FHIP1A: variants seen among roughly 807,000 people sequenced by gnomAD.
FHIP1A encodes the protein FHF complex subunit HOOK-interacting protein 1A.
In FHIP1A, 61 loss-of-function variants were observed where a neutral mutation model predicts 88.6. The observed-to-expected ratio is 0.69, with a 90% confidence interval of 0.56 to 0.85. The LOEUF (loss-of-function observed/expected upper bound fraction) is 0.85. Ranked by LOEUF, FHIP1A falls within the 40% of genes least tolerant of loss-of-function variation. FHIP1A has a pLI of 0.00. For synonymous variants in FHIP1A, 478 were observed against 496.0 expected (o/e 0.96, Z 0.48); for missense variants, 1,154 against 1,273.5 (o/e 0.91, Z 1.43).
intron 3 of FHIP1A, among the ~76,000 whole-genome samples, chr4:151,541,261 T>C (rs1732273239): frequency 6.6e-6 from 1 of 152,238 alleles, no homozygotes; most frequent in African/African-American, 2.4e-5. Flanking sequence ...TTGTATTTGC[T>C]AATAACCCTG....
Position 151,665,038 on chromosome 4 carries a change from G to T in FHIP1A, c.*2284G>T, listed in dbSNP as rs1737611361. 6.6e-6 allele frequency among the ~76,000 whole-genome samples: 1 copy of T among 152,100 alleles called. No homozygotes were observed. The highest frequency in any genetic ancestry group is 2.1e-4 in the South Asian group (1 of 4,814). On this transcript the variant is annotated 3_prime_UTR_variant, in exon 14 of 14. Transcript: ENST00000435205. ...TGCCTGGGCTAGAGTGGAGTGGTGT[G>T]ATCACAGCTCATTGTAGCCTCAACC...
intron 7 of FHIP1A, among the ~76,000 whole-genome samples, chr4:151,608,299 C>T (rs1199840664): frequency 6.6e-6 from 1 of 152,092 alleles, no homozygotes; most frequent in Non-Finnish European, 1.5e-5. Flanking sequence ...CCCACCTCAG[C>T]CTCCCAAAGT....
intron 2 of FHIP1A, among the ~76,000 whole-genome samples, chr4:151,461,953 A>G (rs1354614317): frequency 2.6e-5 from 4 of 152,186 alleles, no homozygotes; most frequent in Non-Finnish European, 5.9e-5. Flanking sequence ...GTTTGAGGCC[A>G]GAAGTTCGAG....
intron 1 of FHIP1A, among the ~76,000 whole-genome samples, chr4:151,421,492 G>A (rs1207630549): frequency 1.3e-5 from 2 of 151,892 alleles, no homozygotes; most frequent in Non-Finnish European, 2.9e-5. Context: ...TTTTTCAGTG[G>A]TTCCCTGGTT....
chr4:151,480,096 C>T (rs1580614663), intron 2 of FHIP1A, among the ~76,000 whole-genome samples: 1 of 152,144 alleles, frequency 6.6e-6, no homozygotes, highest in African/African-American at 2.4e-5. Flanking sequence ...AGAGAATTAT[C>T]AAGAACCAGT....
At chr4:151,609,578 T>C (rs1735217240) in intron 7 of FHIP1A, among the ~76,000 whole-genome samples, 1 of 152,108 alleles carries the variant, frequency 6.6e-6, no homozygotes, top group African/African-American at 2.4e-5. Flanking sequence ...TTTGCTTCTT[T>C]TTTTTTAAAG....
At chr4:151,445,237 A>G (rs1728549340) in intron 1 of FHIP1A, among the ~76,000 whole-genome samples, 1 of 152,146 alleles carries the variant, frequency 6.6e-6, no homozygotes, top group African/African-American at 2.4e-5. Context: ...GAAGAGATAA[A>G]TAGGGTGAGG....
chr4:151,412,240 T>A (rs1407218194), intron 1 of FHIP1A, among the ~76,000 whole-genome samples: 1 of 152,116 alleles, frequency 6.6e-6, no homozygotes, highest in Admixed American at 6.5e-5. Context: ...GTAGCTGGGA[T>A]TACAGGTGCC....
At chr4:151,494,022 G>T (rs1730376162) in intron 3 of FHIP1A, among the ~76,000 whole-genome samples, 1 of 152,148 alleles carries the variant, frequency 6.6e-6, no homozygotes, top group Non-Finnish European at 1.5e-5. Flanking sequence ...TTGGTAAAGA[G>T]GAAGTCAAAT....
intron 3 of FHIP1A, among the ~76,000 whole-genome samples, chr4:151,497,263 A>G (rs1316334205): frequency 3.3e-5 from 5 of 152,218 alleles, no homozygotes; most frequent in African/African-American, 7.2e-5. Context: ...TTTTAAATAA[A>G]TCCATATTTT....
At chr4:151,473,320 T>C (rs4622982) in intron 2 of FHIP1A, among the ~76,000 whole-genome samples, 17,196 of 152,132 alleles carry the variant, frequency 0.11, 1,024 homozygotes, top group African/African-American at 0.13. Context: ...TTATCTTTTT[T>C]TTAAAATTTA....
intron 3 of FHIP1A, among the ~76,000 whole-genome samples, chr4:151,555,058 CA>C (rs921268381): frequency 1.3e-4 from 20 of 152,238 alleles, no homozygotes; most frequent in African/African-American, 4.6e-4. Flanking sequence ...CCCCCAATCA[CA>C]GAAGCTAGAT....
chr4:151,520,321 C>T (rs1407305854), intron 3 of FHIP1A, among the ~76,000 whole-genome samples: 1 of 151,902 alleles, frequency 6.6e-6, no homozygotes, highest in Non-Finnish European at 1.5e-5. Context: ...GATTTTTCTT[C>T]CCTTGTTGTA....
At chr4:151,557,348 C>T (rs915161894) in intron 3 of FHIP1A, among the ~76,000 whole-genome samples, 2 of 152,152 alleles carry the variant, frequency 1.3e-5, no homozygotes, top group Admixed American at 6.5e-5. Flanking sequence ...GGAGAAATAG[C>T]GCCAAATGCA....
intron 1 of FHIP1A, among the ~76,000 whole-genome samples, chr4:151,419,425 A>G (rs369202771): frequency 2.6e-5 from 4 of 152,108 alleles, no homozygotes; most frequent in Admixed American, 2.0e-4. Flanking sequence ...CTTCCTTATA[A>G]TAAGTCTCTT....
In FHIP1A at chr4:151,656,894, C is replaced by G; in HGVS notation, c.2865C>G (p.Thr955=). The change falls in exon 13 of 14, where the codon ACC becomes ACG. Residue 955 remains threonine (T), a synonymous_variant. Transcript: ENST00000435205. This position sits in a 1 kb window ranked among gnomAD's most constrained non-coding sequence, Gnocchi z 4.2. ...CTGATATGACCCCTGCAGCACTAAC[C>G]AAAGGTAAGCCAGGTTTCTCCACAG... The part of the protein sequence containing the change: ...DMSDMTPAAL[T]KDPIQEASRT... 1.3e-6 allele frequency: 2 copies of G among 1,549,006 alleles called. No homozygotes were observed. The highest frequency in any genetic ancestry group is 1.7e-6 in the Non-Finnish European group (2 of 1,145,594).
intron 8 of FHIP1A, 69 bp from the exon 9 acceptor site, chr4:151,638,608 T>A: frequency 1.1e-6 from 1 of 932,710 alleles, no homozygotes; most frequent in Non-Finnish European, 1.6e-6. Flanking sequence ...TCTGATTTAT[T>A]TACTATCTGT....
intron 1 of FHIP1A, among the ~76,000 whole-genome samples, chr4:151,428,476 T>C (rs1733468760): frequency 6.6e-6 from 1 of 152,196 alleles, no homozygotes; most frequent in Admixed American, 6.5e-5. Context: ...TCTGTGTTAC[T>C]ACATTCGTCT....
chr4:151,604,771 C>T (rs1185699398), intron 7 of FHIP1A, among the ~76,000 whole-genome samples: 1 of 151,830 alleles, frequency 6.6e-6, no homozygotes, highest in Non-Finnish European at 1.5e-5. Flanking sequence ...ATTGCTTGAA[C>T]CCAGGAGGCA....
Sources: allele counts gnomAD v4.1 joint callset (sites outside exome capture counted in the v4.1 genomes callset), GRCh38; gene constraint gnomAD v4.1.1; non-coding constraint Gnocchi (gnomAD v3.1); transcripts MANE v1.5; gene names NCBI Gene and HGNC (gene_info 2026-07-23, HGNC 2026-07-21).